The following ASB5 variants were observed in gnomAD, a reference collection of about 807,000 sequenced individuals.
ASB5 encodes ankyrin repeat and SOCS box containing 5.
In ASB5, 45 loss-of-function variants were observed where a neutral mutation model predicts 42.1. The observed-to-expected ratio is 1.07, with a 90% CI of 0.84 to 1.37. The LOEUF is 1.37. Ranked by LOEUF, ASB5 falls within the 40% of genes most tolerant of loss-of-function variation. The pLI is 0.00. For synonymous variants in ASB5, 147 were observed against 150.6 expected (o/e 0.98, Z 0.18); for missense variants, 402 against 399.8 (o/e 1.01, Z -0.05).
At chr4:176,221,359 T>C in intron 4 of ASB5, 70 bp from the exon 5 acceptor site, 1 of 1,597,986 alleles carries the variant, frequency 6.3e-7, no homozygotes, top group East Asian at 2.2e-5. Context: ...CAGGCTTCCC[T>C]TGTGGTGTCA....
intron 1 of ASB5, among the ~76,000 whole-genome samples, chr4:176,252,437 C>T (rs1184583584): frequency 6.6e-6 from 1 of 152,206 alleles, no homozygotes; most frequent in Non-Finnish European, 1.5e-5. Context: ...CTCACTTTCT[C>T]CCTTCCTCTT....
chr4:176,222,114 C>T (rs184926993), intron 3 of ASB5, among the ~76,000 whole-genome samples, 199 bp downstream of exon 3: 4 of 152,258 alleles, frequency 2.6e-5, no homozygotes, highest in Admixed American at 2.6e-4. Context: ...TATTATGATG[C>T]AGCATGCTAC....
At chr4:176,264,834 TA>T (rs143677607) in intron 1 of ASB5, among the ~76,000 whole-genome samples, 1,623 of 152,260 alleles carry the variant, frequency 0.011, 30 homozygotes, top group African/African-American at 0.037. Flanking sequence ...TCTGCCAATT[TA>T]AAGGCTATTT....
intron 1 of ASB5, among the ~76,000 whole-genome samples, chr4:176,266,098 TA>T (rs1560822462): frequency 6.6e-6 from 1 of 152,022 alleles, no homozygotes; most frequent in South Asian, 2.1e-4. Flanking sequence ...GAAAGAGCTT[TA>T]AAAAAAACCA....
At chr4:176,227,184 G>A (rs1753403916) in intron 1 of ASB5, among the ~76,000 whole-genome samples, 1 of 152,172 alleles carries the variant, frequency 6.6e-6, no homozygotes, top group African/African-American at 2.4e-5. Context: ...TCCTCTAGTT[G>A]AGGATGGAAA....
intron 1 of ASB5, chr4:176,241,529 G>A: frequency 6.5e-7 from 1 of 1,531,950 alleles, no homozygotes. Flanking sequence ...GTTCTCAGAG[G>A]CTGTGCTGCT....
chr4:176,242,131 C>T (rs1753824121), intron 1 of ASB5, among the ~76,000 whole-genome samples: 1 of 151,956 alleles, frequency 6.6e-6, no homozygotes, highest in African/African-American at 2.4e-5. Flanking sequence ...CTGCAGCTTC[C>T]TCACACTGCC....
chr4:176,242,677 G>A (rs1753834153), intron 1 of ASB5, among the ~76,000 whole-genome samples: 1 of 152,128 alleles, frequency 6.6e-6, no homozygotes, highest in African/African-American at 2.4e-5. Context: ...CAAAGAACCA[G>A]CTTTTGGCTT....
At chr4:176,245,374 G>A (rs182866703) in intron 1 of ASB5, among the ~76,000 whole-genome samples, 13 of 152,246 alleles carry the variant, frequency 8.5e-5, no homozygotes, top group African/African-American at 1.7e-4. Flanking sequence ...TTAGAATGGC[G>A]ATCATTAAAA....
chr4:176,241,583 G>T (rs1753813434), intron 1 of ASB5: 1 of 1,472,232 alleles, frequency 6.8e-7, no homozygotes, highest in Non-Finnish European at 8.9e-7. Flanking sequence ...ACCTTTAGGA[G>T]TCATATCTGA....
At chr4:176,251,925 G>A (rs186966198) in intron 1 of ASB5, among the ~76,000 whole-genome samples, 135 of 151,704 alleles carry the variant, frequency 8.9e-4, no homozygotes, top group African/African-American at 3.0e-3. Context: ...AATTAGCCAG[G>A]CATGGTGGTA....
At chr4:176,275,113 C>T (rs1433868930) in intron 2 of ASB5, among the ~76,000 whole-genome samples, 1 of 152,008 alleles carries the variant, frequency 6.6e-6, no homozygotes, top group Non-Finnish European at 1.5e-5. Context: ...CAGGGTTTCA[C>T]CATGTTGGCC....
intron 1 of ASB5, among the ~76,000 whole-genome samples, chr4:176,240,775 G>T (rs1485506881): frequency 6.6e-6 from 1 of 152,142 alleles, no homozygotes; most frequent in Non-Finnish European, 1.5e-5. Context: ...CCAAGAAGTG[G>T]TATTTAGATA....
At chr4:176,264,730 T>C (rs1466186555) in intron 1 of ASB5, among the ~76,000 whole-genome samples, 2 of 152,092 alleles carry the variant, frequency 1.3e-5, no homozygotes, top group African/African-American at 2.4e-5. Flanking sequence ...AGTCTTCTGA[T>C]TGACATGTTA....
At chr4:176,234,443 G>A (rs1315877930) in intron 1 of ASB5, among the ~76,000 whole-genome samples, 3 of 152,118 alleles carry the variant, frequency 2.0e-5, no homozygotes, top group Non-Finnish European at 2.9e-5. Context: ...CCTTATCAGA[G>A]AGGCCTTCTT....
rs1436006869 is a variant in ASB5, at chr4:176,269,194, G to T, written c.-86C>A. 9 of 1,210,902 alleles carry T rather than the reference G, an allele frequency of 7.4e-6. No homozygotes were observed. Among genetic ancestry groups the T allele is most frequent in the Non-Finnish European group, 6.9e-6 (6 of 875,826 alleles). 75.0% of individuals were successfully genotyped at this position (1,210,902 alleles called of 1,614,324 possible). ...TCGTCCGGGATGCTCCTGAACAGCT[G>T]GTCCTGAGGAAAGAAAATATCAGCT... is the stretch of plus-strand genomic sequence containing the variant. On this transcript the variant is annotated 5_prime_UTR_variant, in exon 1 of 7. Coordinates refer to ENST00000296525, the MANE Select transcript of ASB5 (RefSeq NM_080874.4).
chr4:176,263,550 C>T (rs961177722), intron 1 of ASB5, among the ~76,000 whole-genome samples: 2 of 151,912 alleles, frequency 1.3e-5, no homozygotes, highest in Non-Finnish European at 2.9e-5. Flanking sequence ...TTTTGTCATA[C>T]AAGAGCAGTT....
intron 1 of ASB5, among the ~76,000 whole-genome samples, chr4:176,248,082 C>T (rs1231486874): frequency 6.6e-6 from 1 of 152,114 alleles, no homozygotes; most frequent in Non-Finnish European, 1.5e-5. Flanking sequence ...GAAAATTAAA[C>T]CATAATATAC....
intron 1 of ASB5, among the ~76,000 whole-genome samples, chr4:176,247,990 C>T (rs1345115351): frequency 6.6e-6 from 1 of 151,972 alleles, no homozygotes; most frequent in Non-Finnish European, 1.5e-5. Flanking sequence ...GAATAGAAGG[C>T]AAAATATTTG....
Sources: allele counts gnomAD v4.1 joint callset (sites outside exome capture counted in the v4.1 genomes callset), GRCh38; gene constraint gnomAD v4.1.1; transcripts MANE v1.5; gene names NCBI Gene and HGNC (gene_info 2026-07-23, HGNC 2026-07-21).